TXLNB: variants seen among roughly 807,000 people sequenced by gnomAD.
TXLNB encodes taxilin beta.
A neutral mutation model predicts 57.4 loss-of-function variants in TXLNB; 37 were observed. The ratio of observed to expected loss-of-function variants is 0.64; its 90% CI spans 0.50 to 0.85. The LOEUF is 0.85. Ranked by LOEUF, TXLNB falls within the 40% of genes least tolerant of loss-of-function variation. The probability of loss-of-function intolerance (pLI) is 0.00; values close to 1 mark genes in which losing one functional copy is unlikely to be tolerated. For missense variants in TXLNB, 848 were observed against 825.6 expected (o/e 1.03, Z -0.33); for synonymous variants, 302 against 309.6 (o/e 0.98, Z 0.26).
the TXLNB span, among the ~76,000 whole-genome samples, chr6:139,202,438 C>T: frequency 1.3e-5 from 2 of 152,124 alleles, no homozygotes; most frequent in African/African-American, 2.4e-5. Flanking sequence ...TAAAAACTTA[C>T]GTGTATGTAC....
chr6:139,247,401 A>G (rs939294577), intron 8 of TXLNB, among the ~76,000 whole-genome samples: 47 of 151,656 alleles, frequency 3.1e-4, no homozygotes, highest in African/African-American at 1.1e-3. Context: ...TGGGCTCCCA[A>G]AGTGCTGGGA....
the TXLNB span, among the ~76,000 whole-genome samples, chr6:139,212,082 A>G: frequency 1.3e-5 from 2 of 152,224 alleles, no homozygotes; most frequent in African/African-American, 4.8e-5. Flanking sequence ...GAACTTCCCC[A>G]ATCTAGCAAG....
chr6:139,294,339 G>GT (rs1777353223), upstream of TXLNB, among the ~76,000 whole-genome samples: 2 of 152,058 alleles, frequency 1.3e-5, no homozygotes, highest in Admixed American at 6.6e-5. Flanking sequence ...TTATTACATA[G>GT]TTTTTATTCA....
At chr6:139,256,714 G>T (rs561050943) in intron 6 of TXLNB, among the ~76,000 whole-genome samples, 38 of 152,240 alleles carry the variant, frequency 2.5e-4, no homozygotes, top group Non-Finnish European at 4.9e-4. Flanking sequence ...TAAGAACTAT[G>T]TATGTCCTTG....
the TXLNB span, among the ~76,000 whole-genome samples, chr6:139,196,817 A>G: frequency 1.3e-5 from 2 of 152,216 alleles, no homozygotes; most frequent in South Asian, 2.1e-4. Context: ...TGAGTTCTAT[A>G]CTATCTTTGG....
At chr6:139,188,644 A>G in the TXLNB span, among the ~76,000 whole-genome samples, 1 of 152,200 alleles carries the variant, frequency 6.6e-6, no homozygotes, top group African/African-American at 2.4e-5. Flanking sequence ...TCTCATTTAC[A>G]TTTTTGTTAG....
At chr6:139,264,178 C>A (rs1166975284) in intron 4 of TXLNB, among the ~76,000 whole-genome samples, 1 of 151,978 alleles carries the variant, frequency 6.6e-6, no homozygotes, top group East Asian at 1.9e-4. Context: ...ATGTTATTTC[C>A]CTGAACTTTG....
the TXLNB span, among the ~76,000 whole-genome samples, chr6:139,217,092 A>G: frequency 2.0e-5 from 3 of 152,206 alleles, no homozygotes; most frequent in Non-Finnish European, 4.4e-5. Flanking sequence ...TATTTTGGCG[A>G]GAATGAGGCC....
chr6:139,285,301 CACA>C (rs1562289380), intron 2 of TXLNB, among the ~76,000 whole-genome samples: 5 of 135,138 alleles, frequency 3.7e-5, no homozygotes, highest in East Asian at 2.1e-4. Context: ...CACACACACA[CACA>C]CCCCAATTCT....
chr6:139,184,519 T>TTTG, the TXLNB span, among the ~76,000 whole-genome samples: 32 of 152,340 alleles, frequency 2.1e-4, no homozygotes, highest in African/African-American at 7.2e-4. Context: ...AATGCATTAA[T>TTTG]TTGTTGACAT....
At chr6:139,232,985 C>T in the TXLNB span, among the ~76,000 whole-genome samples, 1 of 152,124 alleles carries the variant, frequency 6.6e-6, no homozygotes. Context: ...TTTGTAACAA[C>T]ATGTATGAAT....
At chr6:139,308,978 T>C in the TXLNB span, among the ~76,000 whole-genome samples, 18 of 152,358 alleles carry the variant, frequency 1.2e-4, no homozygotes, top group African/African-American at 4.3e-4. Flanking sequence ...GGGTTCTGTC[T>C]ACCCCTGTGA....
the TXLNB span, chr6:139,197,697 C>T: frequency 5.3e-5 from 8 of 152,290 alleles, no homozygotes; most frequent in East Asian, 1.9e-4. Flanking sequence ...TCACAGAATA[C>T]CTGAGACTGG....
intron 2 of TXLNB, among the ~76,000 whole-genome samples, chr6:139,277,412 G>A (rs57792232): frequency 0.08 from 12,183 of 152,136 alleles, 1,527 homozygotes; most frequent in African/African-American, 0.27. Flanking sequence ...TAGCCTGCCC[G>A]TTTTTTCCCC....
At chr6:139,167,637 G>T in the TXLNB span, among the ~76,000 whole-genome samples, 39 of 152,198 alleles carry the variant, frequency 2.6e-4, no homozygotes, top group African/African-American at 8.2e-4. Flanking sequence ...GTCACTTACT[G>T]TAAACCTGTT....
the TXLNB span, among the ~76,000 whole-genome samples, chr6:139,228,204 G>A: frequency 4.6e-5 from 7 of 152,112 alleles, no homozygotes; most frequent in Admixed American, 3.3e-4. Flanking sequence ...ATCCAGCAAC[G>A]CAACCATACC....
At chr6:139,306,585 C>T in the TXLNB span, among the ~76,000 whole-genome samples, 6 of 152,312 alleles carry the variant, frequency 3.9e-5, no homozygotes, top group African/African-American at 1.2e-4. Context: ...GACTGCCCTT[C>T]GAATGTCTGA....
At chr6:139,243,488 T>A (rs1776001509) in intron 9 of TXLNB, among the ~76,000 whole-genome samples, 174 bp from the exon 10 acceptor site, 1 of 140,798 alleles carries the variant, frequency 7.1e-6, no homozygotes, top group Admixed American at 7.0e-5. Context: ...TGGACATCAC[T>A]TTCCTTTTTT....
chr6:139,235,145 G>A (rs186215333), downstream of TXLNB, among the ~76,000 whole-genome samples: 14 of 152,268 alleles, frequency 9.2e-5, no homozygotes, highest in African/African-American at 3.4e-4. Flanking sequence ...ACCTAGGTGA[G>A]GACAGGCGCT....
Sources: allele counts gnomAD v4.1 joint callset (sites outside exome capture counted in the v4.1 genomes callset), GRCh38; gene constraint gnomAD v4.1.1; transcripts MANE v1.5; gene names NCBI Gene and HGNC (gene_info 2026-07-23, HGNC 2026-07-21).